The following OLFM3 variants were observed in gnomAD, a reference collection of about 807,000 sequenced individuals.
OLFM3 encodes the protein olfactomedin 3, also known as noelin-3.
A neutral mutation model predicts 48.6 loss-of-function variants in OLFM3; 20 were observed. The observed-to-expected ratio is 0.41, with a 90% CI of 0.29 to 0.60. OLFM3 has a LOEUF of 0.60. Ranked by LOEUF, OLFM3 falls within the 20% of genes least tolerant of loss-of-function variation. The pLI is 0.28. For missense variants in OLFM3, 437 were observed against 544.3 expected, an observed-to-expected ratio of 0.80 and a Z score of 1.96; for synonymous variants, 222 against 198.1, an observed-to-expected ratio of 1.12 and a Z score of -1.01.
chr1:101,916,594 G>C (rs1054144159), intron 1 of OLFM3, among the ~76,000 whole-genome samples: 1 of 152,074 alleles, frequency 6.6e-6, no homozygotes, highest in African/African-American at 2.4e-5. Flanking sequence ...AGCAACTGTA[G>C]TTTTTGTTGA....
chr1:101,859,347 G>A, intron 1 of OLFM3, among the ~76,000 whole-genome samples: 1 of 152,062 alleles, frequency 6.6e-6, no homozygotes, highest in Admixed American at 6.5e-5. Flanking sequence ...TGCCAGCTGA[G>A]AGAGTAGTTA....
chr1:101,860,018 C>T (rs1325334467), intron 1 of OLFM3: 1 of 151,952 alleles, frequency 6.6e-6, no homozygotes, highest in East Asian at 1.9e-4. Context: ...TAGAAGGAGC[C>T]ATGGAAGCCA....
At chr1:101,806,389 A>C (rs1330959960) in intron 4 of OLFM3, among the ~76,000 whole-genome samples, 3 of 151,874 alleles carry the variant, frequency 2.0e-5, no homozygotes, top group Admixed American at 2.0e-4. Flanking sequence ...CAATGCTCCA[A>C]ATTTTAAACA....
intron 1 of OLFM3, among the ~76,000 whole-genome samples, chr1:101,946,488 C>A (rs1659968462): frequency 6.6e-6 from 1 of 152,164 alleles, no homozygotes; most frequent in African/African-American, 2.4e-5. Context: ...AACTTCCTAT[C>A]AGAATTGCTT....
Position 101,962,860 on chromosome 1 carries a change from T to C in OLFM3, c.69+33888A>G, listed in dbSNP as rs1424235975. 2.6e-5 allele frequency among the ~76,000 whole-genome samples: 4 copies of C among 152,152 alleles called. No homozygotes were observed. The South Asian group carries it at 6.2e-4, about 24-fold the overall frequency. The stretch of plus-strand genomic sequence containing the variant: ...AAAGTTGATGGTCCAGGGTGGTGTA[T>C]AGAGAGGAGCAGACGTGGAAAAGCC... On this transcript the variant is annotated intron_variant, in intron 1 of 5. Coordinates refer to ENST00000370103, the MANE Select transcript of OLFM3 (RefSeq NM_058170.4).
intron 1 of OLFM3, among the ~76,000 whole-genome samples, chr1:101,885,380 C>G (rs2100996837): frequency 6.6e-6 from 1 of 151,926 alleles, no homozygotes; most frequent in South Asian, 2.1e-4. Flanking sequence ...GATACGAGCA[C>G]TGAAATAAAG....
intron 1 of OLFM3, among the ~76,000 whole-genome samples, chr1:101,874,775 G>A (rs981794051): frequency 6.6e-5 from 10 of 151,942 alleles, no homozygotes; most frequent in African/African-American, 2.4e-4. Context: ...GTATTGAATG[G>A]AAGGAGAAGG....
intron 1 of OLFM3, among the ~76,000 whole-genome samples, chr1:101,840,628 G>A (rs1017594997): frequency 1.3e-5 from 2 of 151,984 alleles, no homozygotes; most frequent in Non-Finnish European, 2.9e-5. Context: ...ACACAATCAC[G>A]CCCAGTTAAT....
At chr1:101,895,182 C>A (rs1304204214) in intron 1 of OLFM3, among the ~76,000 whole-genome samples, 2 of 152,024 alleles carry the variant, frequency 1.3e-5, no homozygotes, top group Non-Finnish European at 2.9e-5. Flanking sequence ...CACAATGGGA[C>A]TTATTTCTCC....
chr1:101,955,911 T>C (rs1660274243), intron 1 of OLFM3, among the ~76,000 whole-genome samples: 2 of 151,782 alleles, frequency 1.3e-5, no homozygotes, highest in African/African-American at 2.4e-5. Flanking sequence ...TCTACTCCTA[T>C]TCTTGTATTC....
At chr1:101,840,472 G>T (rs201994179) in intron 1 of OLFM3, among the ~76,000 whole-genome samples, 6,362 of 65,442 alleles carry the variant, frequency 0.097, 222 homozygotes, top group Admixed American at 0.26. Context: ...TTATTTCAGA[G>T]ATTTTTTTTT....
At chr1:101,896,824 C>A (rs1658226294) in intron 1 of OLFM3, among the ~76,000 whole-genome samples, 1 of 151,990 alleles carries the variant, frequency 6.6e-6, no homozygotes. Flanking sequence ...TGAACTGATG[C>A]ATAACTTTTG....
Position 101,803,953 on chromosome 1 carries a change from T to G in OLFM3, c.*285A>C. ...TCTGACTCTAATATAAGGCAGATCA[T>G]TAATCTCTTGCAAAACTATGACTTT... On this transcript the variant is annotated 3_prime_UTR_variant, in exon 6 of 6. Coordinates refer to ENST00000370103, the MANE Select transcript of OLFM3 (RefSeq NM_058170.4). 1 of 229,826 alleles carries G rather than the reference T, an allele frequency of 4.4e-6. No homozygotes were observed. The highest frequency in any genetic ancestry group is 8.4e-6 in the Non-Finnish European group (1 of 118,848). The allele number at this position is 229,826 out of a possible 1,614,324, so 14.2% of individuals were successfully genotyped here.
intron 1 of OLFM3, among the ~76,000 whole-genome samples, chr1:101,910,338 C>G (rs373613217): frequency 6.6e-6 from 1 of 151,894 alleles, no homozygotes; most frequent in Admixed American, 6.6e-5. Flanking sequence ...TGGTAGCGGG[C>G]GCCTGTAATC....
chr1:101,968,571 C>G lies in OLFM3; in HGVS notation c.69+28177G>C, dbSNP rs977755284. Among the ~76,000 whole-genome samples the G allele has an allele frequency of 6.1e-5, 9 of 147,616 alleles. 1 individual carries two copies. The highest frequency in any genetic ancestry group is 2.2e-4 in the African/African-American group (9 of 40,462). On this transcript the variant is annotated intron_variant, in intron 1 of 5. Transcript: ENST00000370103. ...AAAAAAGGCATTAGTACCCCTTCCT[C>G]ATGTATCCCACAAGTATTCCATTAT... is the stretch of plus-strand genomic sequence containing the variant.
At chr1:101,979,972 A>T (rs564563969) in intron 1 of OLFM3, among the ~76,000 whole-genome samples, 2 of 152,150 alleles carry the variant, frequency 1.3e-5, no homozygotes, top group Non-Finnish European at 2.9e-5. Context: ...TGAGACAGGG[A>T]GTCAAAGGAG....
chr1:101,832,075 G>A (rs1435709502), intron 2 of OLFM3, among the ~76,000 whole-genome samples: 3 of 152,138 alleles, frequency 2.0e-5, no homozygotes, highest in East Asian at 1.9e-4. Context: ...GCTAATTTTC[G>A]TATTTTTATT....
intron 4 of OLFM3, among the ~76,000 whole-genome samples, chr1:101,806,783 A>G (rs1199286155): frequency 6.6e-6 from 1 of 151,810 alleles, no homozygotes; most frequent in Non-Finnish European, 1.5e-5. Flanking sequence ...GCAGATATGA[A>G]CACACAAAGA....
intron 1 of OLFM3, among the ~76,000 whole-genome samples, chr1:101,885,190 G>T (rs1657699080): frequency 1.3e-5 from 2 of 152,066 alleles, no homozygotes; most frequent in African/African-American, 2.4e-5. Flanking sequence ...AAAAAAGGTG[G>T]CGAATAAAGG....
Sources: allele counts gnomAD v4.1 joint callset (sites outside exome capture counted in the v4.1 genomes callset), GRCh38; gene constraint gnomAD v4.1.1; transcripts MANE v1.5; gene names NCBI Gene and HGNC (gene_info 2026-07-23, HGNC 2026-07-21).